Variants in PALM2AKAP2 observed in about 807,000 individuals in gnomAD.
The protein encoded by PALM2AKAP2 is PALM2-AKAP2 fusion protein.
In PALM2AKAP2, 37 loss-of-function variants were observed where a neutral mutation model predicts 71.5. The observed-to-expected ratio is 0.52, with a 90% CI of 0.40 to 0.68. The LOEUF is 0.68. PALM2AKAP2 is among the 30% of genes least tolerant of loss of function. The pLI is 0.00. For synonymous variants in PALM2AKAP2, 468 were observed against 478.8 expected, an observed-to-expected ratio of 0.98 and a Z score of 0.29; for missense variants, 1,224 against 1,191.8, an observed-to-expected ratio of 1.03 and a Z score of -0.40.
intron 1 of PALM2AKAP2, among the ~76,000 whole-genome samples, chr9:109,727,041 T>C (rs769402398): frequency 6.6e-6 from 1 of 152,218 alleles, no homozygotes; most frequent in Admixed American, 6.5e-5. Context: ...TTGGGTTACA[T>C]GCATTGCACT....
intron 1 of PALM2AKAP2, among the ~76,000 whole-genome samples, chr9:109,716,662 C>T (rs75227346): frequency 0.042 from 6,450 of 152,244 alleles, 185 homozygotes; most frequent in Non-Finnish European, 0.053. Context: ...AGGAATATTT[C>T]TTAGTGGCAG....
At chr9:109,934,084 G>A (rs540885909) in intron 6 of PALM2AKAP2, among the ~76,000 whole-genome samples, 82 of 152,288 alleles carry the variant, frequency 5.4e-4, no homozygotes, top group Middle Eastern at 3.4e-3. Context: ...TGGAAGGTTT[G>A]GGACTCTGTA....
chr9:110,018,826 ATAAGT>A (rs954803370), intron 7 of PALM2AKAP2, among the ~76,000 whole-genome samples: 1 of 152,170 alleles, frequency 6.6e-6, no homozygotes, highest in African/African-American at 2.4e-5. Flanking sequence ...TCCTTTGGGT[ATAAGT>A]TGTTTCCCAC....
At chr9:109,895,322 A>T (rs1830175219) in intron 3 of PALM2AKAP2, among the ~76,000 whole-genome samples, 1 of 152,224 alleles carries the variant, frequency 6.6e-6, no homozygotes, top group Non-Finnish European at 1.5e-5. Flanking sequence ...TAAGCAAAGG[A>T]TGGGAACCAA....
intron 1 of PALM2AKAP2, among the ~76,000 whole-genome samples, chr9:109,791,268 GA>G (rs1043978770): frequency 2.6e-5 from 4 of 152,212 alleles, no homozygotes; most frequent in African/African-American, 9.7e-5. Context: ...TATTGACTCT[GA>G]AAAATACAGA....
chr9:109,897,352 C>A (rs1293073071), intron 3 of PALM2AKAP2, among the ~76,000 whole-genome samples: 1 of 152,140 alleles, frequency 6.6e-6, no homozygotes, highest in Non-Finnish European at 1.5e-5. Flanking sequence ...GAGGCTGAGG[C>A]AGGTGGATCA....
chr9:109,933,244 G>A (rs1775759894), intron 6 of PALM2AKAP2, among the ~76,000 whole-genome samples: 1 of 152,198 alleles, frequency 6.6e-6, no homozygotes, highest in African/African-American at 2.4e-5. Flanking sequence ...GGACTCACTG[G>A]CAGTCACTTT....
rs1291205429 is a variant in PALM2AKAP2, at chr9:109,893,888, G to T, written c.257+13207G>T. Among the ~76,000 whole-genome samples the T allele has an allele frequency of 2.6e-5, 4 of 152,212 alleles. No individual in the cohort carries two copies. In the East Asian group the frequency reaches 7.7e-4, roughly 29 times the overall value. On this transcript the variant is annotated intron_variant, in intron 3 of 9. Transcript: ENST00000302798. ...AAGAGTAGCTAACACTTAGGTGGTGGGTTGATCTGTGCAGCAAGCCACCAT... is the reference window on the plus strand; with the variant it reads ...AAGAGTAGCTAACACTTAGGTGGTGTGTTGATCTGTGCAGCAAGCCACCAT...
At chr9:109,801,865 G>T (rs561135239) in intron 1 of PALM2AKAP2, among the ~76,000 whole-genome samples, 1 of 152,264 alleles carries the variant, frequency 6.6e-6, no homozygotes, top group South Asian at 2.1e-4. Context: ...GTAAGAAGTT[G>T]GGCCAGCAAG....
At chr9:109,725,365 C>T (rs967146079) in intron 1 of PALM2AKAP2, among the ~76,000 whole-genome samples, 5 of 152,040 alleles carry the variant, frequency 3.3e-5, no homozygotes, top group Non-Finnish European at 5.9e-5. Flanking sequence ...GTTTATAGCA[C>T]GTTAAATTTT....
chr9:110,105,915 C>T (rs200935534), intron 1 of PALM2AKAP2, among the ~76,000 whole-genome samples: 2 of 152,100 alleles, frequency 1.3e-5, no homozygotes, highest in East Asian at 3.9e-4. Flanking sequence ...AAGCGTCTGA[C>T]CAATAAAGCA....
intron 1 of PALM2AKAP2, among the ~76,000 whole-genome samples, chr9:109,835,013 T>C (rs904560459): frequency 6.6e-6 from 1 of 151,728 alleles, no homozygotes; most frequent in African/African-American, 2.4e-5. Context: ...CCAGGAGGGG[T>C]CTGCACTTAG....
intron 7 of PALM2AKAP2, among the ~76,000 whole-genome samples, chr9:110,035,981 G>T (rs575549222): frequency 6.6e-6 from 1 of 151,358 alleles, no homozygotes; most frequent in Non-Finnish European, 1.5e-5. Flanking sequence ...TTGCTCTGTC[G>T]CCCAGGCTCA....
chr9:110,043,671 A>G (rs1284521235), intron 7 of PALM2AKAP2, among the ~76,000 whole-genome samples: 2 of 149,556 alleles, frequency 1.3e-5, no homozygotes, highest in African/African-American at 4.9e-5. Context: ...CACAAGTTCA[A>G]GGGTCATTTT....
chr9:110,132,030 A>AGC (rs773807031), intron 1 of PALM2AKAP2, among the ~76,000 whole-genome samples: 12 of 80,860 alleles, frequency 1.5e-4, no homozygotes, highest in Non-Finnish European at 2.6e-4. Flanking sequence ...ACAAGTAACT[A>AGC]GCGTGTGTGT....
intron 1 of PALM2AKAP2, among the ~76,000 whole-genome samples, chr9:110,054,618 G>A (rs1343092686): frequency 6.6e-6 from 1 of 152,066 alleles, no homozygotes; most frequent in Admixed American, 6.5e-5. Context: ...TGTCACCCAG[G>A]CTGGAGTGCA....
At chr9:109,983,876 G>A (rs1045617803) in intron 6 of PALM2AKAP2, among the ~76,000 whole-genome samples, 2 of 150,376 alleles carry the variant, frequency 1.3e-5, no homozygotes, top group Non-Finnish European at 1.5e-5. Flanking sequence ...AAAAAAAAAA[G>A]AAAAGAAAAG....
intron 6 of PALM2AKAP2, among the ~76,000 whole-genome samples, chr9:109,985,150 T>TG: frequency 6.6e-6 from 1 of 152,070 alleles, no homozygotes; most frequent in Non-Finnish European, 1.5e-5. Context: ...CACTCCAGCC[T>TG]GGGTGACAGA....
intron 6 of PALM2AKAP2, among the ~76,000 whole-genome samples, chr9:110,009,052 C>T (rs1372654537): frequency 6.6e-6 from 1 of 152,154 alleles, no homozygotes; most frequent in Non-Finnish European, 1.5e-5. Context: ...ACCAGTCACC[C>T]TCTTTGTCCA....
Sources: gnomAD v4.1 joint callset for allele counts (sites outside exome capture counted in the v4.1 genomes callset) on GRCh38, gnomAD v4.1.1 for gene constraint, MANE v1.5 for transcripts, NCBI Gene and HGNC (gene_info 2026-07-23, HGNC 2026-07-21) for gene names.